Variants in RPS6KC1 observed in about 807,000 individuals in gnomAD.
The protein encoded by RPS6KC1 is ribosomal protein S6 kinase C1.
RPS6KC1 carries 54 observed loss-of-function variants against 103.8 expected under a neutral mutation model. That is an observed-to-expected ratio of 0.52 (90% CI 0.42 to 0.65). RPS6KC1 has a LOEUF of 0.65. Among genes scored for constraint, RPS6KC1 ranks in the 30% least tolerant of loss-of-function variants. The pLI, the probability that RPS6KC1 is intolerant of heterozygous loss-of-function variation, is 0.00. For missense variants in RPS6KC1, 1,151 were observed against 1,253.8 expected, an observed-to-expected ratio of 0.92 and a Z score of 1.24; for synonymous variants, 439 against 438.7, an observed-to-expected ratio of 1.00 and a Z score of -0.01.
the RPS6KC1 span, among the ~76,000 whole-genome samples, chr1:213,363,809 TCTTTCTTC>T: frequency 1.2e-5 from 1 of 82,780 alleles, no homozygotes; most frequent in Non-Finnish European, 2.2e-5. Flanking sequence ...TTTCTTTCTT[TCTTTCTTC>T]TCTCTTTTTT....
At chr1:213,625,262 C>G in the RPS6KC1 span, among the ~76,000 whole-genome samples, 138 of 152,324 alleles carry the variant, frequency 9.1e-4, no homozygotes, top group African/African-American at 3.2e-3. Flanking sequence ...TCCACCTATT[C>G]TCACAGAAAG....
intron 5 of RPS6KC1, among the ~76,000 whole-genome samples, chr1:213,128,797 C>A (rs535358390): frequency 6.6e-6 from 1 of 152,160 alleles, no homozygotes; most frequent in South Asian, 2.1e-4. Flanking sequence ...GGTTGAGTAT[C>A]CCTAATCTGA....
chr1:213,800,961 G>A, the RPS6KC1 span, among the ~76,000 whole-genome samples: 1 of 152,152 alleles, frequency 6.6e-6, no homozygotes, highest in African/African-American at 2.4e-5. Context: ...AGCCATCTGA[G>A]AAGAGAAGGC....
At chr1:213,118,446 C>G (rs1190554262) in intron 5 of RPS6KC1, among the ~76,000 whole-genome samples, 1 of 152,082 alleles carries the variant, frequency 6.6e-6, no homozygotes, top group Non-Finnish European at 1.5e-5. Context: ...TTATCTCTTT[C>G]ATGAGTAAGA....
chr1:213,514,589 A>G, the RPS6KC1 span, among the ~76,000 whole-genome samples: 1 of 151,912 alleles, frequency 6.6e-6, no homozygotes, highest in Non-Finnish European at 1.5e-5. Flanking sequence ...ATAGTATTCC[A>G]TGGTGTATAT....
the RPS6KC1 span, among the ~76,000 whole-genome samples, chr1:213,651,694 C>G: frequency 6.6e-6 from 1 of 152,208 alleles, no homozygotes; most frequent in African/African-American, 2.4e-5. Context: ...GCCTACCCAG[C>G]CTGACTCCAA....
chr1:213,277,727 C>T (rs746352253), downstream of RPS6KC1, among the ~76,000 whole-genome samples: 5 of 152,334 alleles, frequency 3.3e-5, no homozygotes, highest in Non-Finnish European at 7.3e-5. Flanking sequence ...GTAGTTAAGG[C>T]AGAGGCCATG....
the RPS6KC1 span, among the ~76,000 whole-genome samples, chr1:213,815,448 A>G: frequency 6.6e-6 from 1 of 152,214 alleles, no homozygotes; most frequent in Admixed American, 6.5e-5. Context: ...TCCTGAACAT[A>G]TATTTGTGTA....
chr1:213,490,079 GT>G, the RPS6KC1 span, among the ~76,000 whole-genome samples: 2 of 152,184 alleles, frequency 1.3e-5, no homozygotes, highest in Non-Finnish European at 2.9e-5. Flanking sequence ...TTAGTTAGGG[GT>G]TTGTGACAAT....
intron 3 of RPS6KC1, among the ~76,000 whole-genome samples, chr1:213,102,716 A>C (rs2082123440): frequency 6.6e-6 from 1 of 152,156 alleles, no homozygotes; most frequent in Non-Finnish European, 1.5e-5. Context: ...GGAATCCTCT[A>C]ATTGACTGCT....
intron 6 of RPS6KC1, among the ~76,000 whole-genome samples, chr1:213,146,908 A>T (rs1332565958): frequency 6.6e-6 from 1 of 152,080 alleles, no homozygotes; most frequent in Non-Finnish European, 1.5e-5. Flanking sequence ...GGCGGGGATA[A>T]TATCTCATTG....
chr1:213,122,195 A>T lies in RPS6KC1; in HGVS notation c.472+4785A>T, dbSNP rs553517851. 1.7e-3 allele frequency among the ~76,000 whole-genome samples: 261 copies of T among 152,284 alleles called. 1 individual carries two copies. The highest frequency in any genetic ancestry group is 6.1e-3 in the African/African-American group (254 of 41,590). On this transcript the variant is annotated intron_variant, in intron 5 of 14. Transcript: ENST00000366960. ...AGAATATTAATTCTTAAGATCTGCT[A>T]CATGCAATAAGCTGATCACTCAATT...
At chr1:213,403,980 T>A in the RPS6KC1 span, among the ~76,000 whole-genome samples, 1 of 152,162 alleles carries the variant, frequency 6.6e-6, no homozygotes, top group African/African-American at 2.4e-5. Flanking sequence ...GGGGTACACC[T>A]GGCTAATTGG....
At chr1:213,170,509 C>T (rs1398823943) in intron 7 of RPS6KC1, among the ~76,000 whole-genome samples, 1 of 152,160 alleles carries the variant, frequency 6.6e-6, no homozygotes, top group African/African-American at 2.4e-5. Flanking sequence ...AGTTGAGGAC[C>T]TGTATATGTA....
the RPS6KC1 span, among the ~76,000 whole-genome samples, chr1:213,431,961 C>T: frequency 2.3e-3 from 355 of 152,252 alleles, 2 homozygotes; most frequent in South Asian, 0.016. Flanking sequence ...CCCTCACTAG[C>T]ATTGAATATT....
intron 6 of RPS6KC1, among the ~76,000 whole-genome samples, chr1:213,165,484 C>T (rs911023282): frequency 3.9e-5 from 6 of 151,918 alleles, no homozygotes; most frequent in Admixed American, 1.3e-4. Flanking sequence ...AGTGCAGTGG[C>T]GCTATCTTGG....
the RPS6KC1 span, among the ~76,000 whole-genome samples, chr1:213,759,758 C>T: frequency 2.0e-5 from 3 of 152,232 alleles, no homozygotes; most frequent in African/African-American, 4.8e-5. Context: ...CCTTAGGACC[C>T]AGGGATTTCC....
At chr1:213,347,934 T>C in the RPS6KC1 span, among the ~76,000 whole-genome samples, 1 of 152,152 alleles carries the variant, frequency 6.6e-6, no homozygotes, top group South Asian at 2.1e-4. Flanking sequence ...TTATTAAGCA[T>C]ACCCCAGGAA....
chr1:213,439,375 A>G, the RPS6KC1 span, among the ~76,000 whole-genome samples: 3 of 146,246 alleles, frequency 2.1e-5, no homozygotes, highest in Non-Finnish European at 4.5e-5. Flanking sequence ...CAACTCATCC[A>G]TAGTTAAATT....
Sources: allele counts gnomAD v4.1 joint callset (sites outside exome capture counted in the v4.1 genomes callset), GRCh38; gene constraint gnomAD v4.1.1; transcripts MANE v1.5; gene names NCBI Gene and HGNC (gene_info 2026-07-23, HGNC 2026-07-21).